GPM6B: variants seen among roughly 807,000 people sequenced by gnomAD.
GPM6B encodes the protein glycoprotein M6B.
A neutral mutation model predicts 27.2 loss-of-function variants in GPM6B; 4 were observed. The observed-to-expected ratio is 0.15, with a 90% CI of 0.07 to 0.34. The LOEUF (loss-of-function observed/expected upper bound fraction) is 0.34. Ranked by LOEUF, GPM6B falls within the 10% of genes least tolerant of loss-of-function variation. The pLI is 1.00. For missense variants in GPM6B, 183 were observed against 261.9 expected, an observed-to-expected ratio of 0.70 and a Z score of 2.08; for synonymous variants, 124 against 103.1, an observed-to-expected ratio of 1.20 and a Z score of -1.23.
chrX:13,874,754 A>G (rs1354865973), intron 1 of GPM6B, among the ~76,000 whole-genome samples: 4 of 111,047 alleles, frequency 3.6e-5, no homozygotes, highest in African/African-American at 1.3e-4. Context: ...AAAAAAACAC[A>G]GACTCTGGAG....
intron 1 of GPM6B, among the ~76,000 whole-genome samples, chrX:13,836,947 C>G (rs758689588): frequency 3.6e-4 from 40 of 112,641 alleles, no homozygotes; most frequent in African/African-American, 1.2e-3. Context: ...AAATCAACCA[C>G]TCAGAGCAAG....
chrX:13,824,084 G>C (rs919254857), intron 1 of GPM6B, among the ~76,000 whole-genome samples: 1 of 112,045 alleles, frequency 8.9e-6, no homozygotes, highest in Non-Finnish European at 1.9e-5. Context: ...CTTGGCACTA[G>C]TGATGTTTGG....
intron 1 of GPM6B, among the ~76,000 whole-genome samples, chrX:13,842,214 T>G (rs767034168): frequency 8.9e-6 from 1 of 112,337 alleles, no homozygotes; most frequent in Non-Finnish European, 1.9e-5. Context: ...AACTGATTTC[T>G]CAAATAATAA....
intron 1 of GPM6B, among the ~76,000 whole-genome samples, chrX:13,872,607 GT>G (rs1234541931): frequency 9.1e-6 from 1 of 109,871 alleles, no homozygotes; most frequent in East Asian, 2.9e-4. Context: ...AGGTATGAGA[GT>G]TAACACAAAG....
chrX:13,781,172 G>A (rs1473673356), intron 4 of GPM6B, among the ~76,000 whole-genome samples: 2 of 111,252 alleles, frequency 1.8e-5, no homozygotes, highest in African/African-American at 6.6e-5. Flanking sequence ...CAGAGGCCAG[G>A]ACTCCAGAGG....
chrX:13,810,744 TAAAA>T (rs747466374), intron 1 of GPM6B, among the ~76,000 whole-genome samples: 1 of 80,682 alleles, frequency 1.2e-5, no homozygotes, highest in Non-Finnish European at 2.5e-5. Context: ...ATTCAGGATT[TAAAA>T]AAAAAAAAAA....
At position 13,783,870 on chromosome X, in the gene GPM6B, CAGTT is replaced by C. The variant is rs774407206; in HGVS notation, c.369-353_369-350del. On this transcript the variant is annotated intron_variant, in intron 3 of 7. Transcript: ENST00000316715. ...GTTAAGCTCCTCATCGGAGGATACA[CAGTT>C]AGTGGCAAAGCCAGCATCTGAACCC... 74 of 346,462 alleles carry C rather than the reference CAGTT, an allele frequency of 2.1e-4. 2 individuals carry two copies. The highest frequency in any genetic ancestry group is 1.9e-3 in the South Asian group (71 of 38,270). The allele number at this position is 346,462 out of a possible 1,213,427, so 28.6% of individuals were successfully genotyped here. A position where few individuals can be genotyped will look rare whatever the true frequency, so the allele number is the denominator to read the frequency against.
At chrX:13,837,939 A>T (rs767620151) in intron 1 of GPM6B, among the ~76,000 whole-genome samples, 29 of 111,028 alleles carry the variant, frequency 2.6e-4, no homozygotes, top group African/African-American at 9.5e-4. Flanking sequence ...CTTTGATTAA[A>T]AAAAAATTAC....
chrX:13,791,495 GT>G (rs1479144747), intron 2 of GPM6B, among the ~76,000 whole-genome samples: 1 of 111,714 alleles, frequency 9.0e-6, no homozygotes, highest in Non-Finnish European at 1.9e-5. Context: ...AAAAGCCTCT[GT>G]TGGGCTGTCT....
At chrX:13,797,314 A>G (rs2048835490) in intron 2 of GPM6B, among the ~76,000 whole-genome samples, 1 of 111,496 alleles carries the variant, frequency 9.0e-6, no homozygotes, top group Admixed American at 9.5e-5. Context: ...GTGCTGACAC[A>G]GGGATATGGG....
chrX:13,794,639 T>C (rs188573750), intron 2 of GPM6B, among the ~76,000 whole-genome samples: 9 of 112,257 alleles, frequency 8.0e-5, no homozygotes, highest in Admixed American at 6.6e-4. Flanking sequence ...GGCTCCATAG[T>C]GTACTTAGCA....
At chrX:13,814,319 C>T (rs191925795) in intron 1 of GPM6B, among the ~76,000 whole-genome samples, 2 of 111,907 alleles carry the variant, frequency 1.8e-5, no homozygotes, top group East Asian at 5.5e-4. Flanking sequence ...CACTCCATCA[C>T]CAACCACTGA....
In GPM6B at chrX:13,773,886, A is replaced by G. The variant is rs913757692; in HGVS notation, c.838-856T>C. On this transcript the variant is annotated intron_variant, in intron 7 of 7. Coordinates refer to ENST00000316715, the MANE Select transcript of GPM6B (RefSeq NM_001001995.3). ...TTACCAAAACACACAATTTAAGGTTACCAATTTTGTGGGCTCTAACAGAAT... is the reference window on the plus strand; with the variant it reads ...TTACCAAAACACACAATTTAAGGTTGCCAATTTTGTGGGCTCTAACAGAAT... 1.3e-5 allele frequency: 7 copies of G among 544,053 alleles called. No individual in the cohort carries two copies. In the African/African-American group the frequency reaches 1.8e-4, roughly 14 times the overall value. The allele number at this position is 544,053 out of a possible 1,213,427, so 44.8% of individuals were successfully genotyped here.
intron 1 of GPM6B, among the ~76,000 whole-genome samples, chrX:13,880,267 T>C (rs970976456): frequency 8.0e-5 from 9 of 111,831 alleles, no homozygotes; most frequent in Admixed American, 6.6e-4. Context: ...GAATCAGCTA[T>C]GCTCAAAGCA....
At chrX:13,868,342 G>T (rs2049941250) in intron 1 of GPM6B, among the ~76,000 whole-genome samples, 1 of 111,765 alleles carries the variant, frequency 8.9e-6, no homozygotes, top group Non-Finnish European at 1.9e-5. Flanking sequence ...TCAGCAAAAA[G>T]TAAGATGACA....
chrX:13,877,548 C>G (rs984704237), intron 1 of GPM6B, among the ~76,000 whole-genome samples: 1 of 110,320 alleles, frequency 9.1e-6, no homozygotes, highest in African/African-American at 3.3e-5. Context: ...ATGAACCAGG[C>G]ACAGTGGCAT....
chrX:13,821,940 C>G (rs762680273), upstream of GPM6B, among the ~76,000 whole-genome samples: 2 of 111,715 alleles, frequency 1.8e-5, no homozygotes. Flanking sequence ...TTCAGCTGAC[C>G]GAGAATTCAT....
chrX:13,888,007 A>C (rs1245981937), intron 1 of GPM6B, among the ~76,000 whole-genome samples: 4 of 112,116 alleles, frequency 3.6e-5, no homozygotes, highest in African/African-American at 1.3e-4. Context: ...CTAATTGCAG[A>C]ATTTTATATT....
intron 1 of GPM6B, among the ~76,000 whole-genome samples, chrX:13,825,420 G>C (rs748055289): frequency 8.9e-6 from 1 of 112,180 alleles, no homozygotes; most frequent in South Asian, 3.7e-4. Context: ...CCTTTCAGGT[G>C]CCTCCTAATT....
Sources: gnomAD v4.1 joint callset for allele counts (sites outside exome capture counted in the v4.1 genomes callset) on GRCh38, gnomAD v4.1.1 for gene constraint, MANE v1.5 for transcripts, NCBI Gene and HGNC (gene_info 2026-07-23, HGNC 2026-07-21) for gene names.